SLC16A7: variants seen among roughly 807,000 people sequenced by gnomAD.
SLC16A7 encodes the protein monocarboxylate transporter 2.
A neutral mutation model predicts 34.9 loss-of-function variants in SLC16A7; 33 were observed. The observed-to-expected ratio is 0.94, with a 90% confidence interval of 0.72 to 1.26. The LOEUF (loss-of-function observed/expected upper bound fraction) is 1.26. Ranked by LOEUF, SLC16A7 falls within the 50% of genes most tolerant of loss-of-function variation. The pLI is 0.00. For synonymous variants in SLC16A7, 201 were observed against 206.6 expected, an observed-to-expected ratio of 0.97 and a Z score of 0.23; for missense variants, 573 against 578.1, an observed-to-expected ratio of 0.99 and a Z score of 0.09.
At chr12:59,754,229 TAGG>T (rs2137348860) in intron 3 of SLC16A7, among the ~76,000 whole-genome samples, 1 of 152,098 alleles carries the variant, frequency 6.6e-6, no homozygotes, top group African/African-American at 2.4e-5. Flanking sequence ...ATTCAAAAGC[TAGG>T]AGAAGGCAAG....
chr12:59,766,759 C>T (rs998488310), intron 3 of SLC16A7, among the ~76,000 whole-genome samples: 7 of 152,134 alleles, frequency 4.6e-5, no homozygotes, highest in East Asian at 1.9e-4. Flanking sequence ...ATTTTTGCAT[C>T]GATGTTCATC....
intron 1 of SLC16A7, among the ~76,000 whole-genome samples, chr12:59,652,662 CT>C (rs926658685): frequency 6.6e-6 from 1 of 150,616 alleles, no homozygotes; most frequent in East Asian, 1.9e-4. Context: ...CTAGAGATTC[CT>C]TTTTTTTTCT....
At chr12:59,778,011 C>T (rs1355523582) in intron 5 of SLC16A7, among the ~76,000 whole-genome samples, 1 of 152,008 alleles carries the variant, frequency 6.6e-6, no homozygotes, top group African/African-American at 2.4e-5. Context: ...CATAGTATTC[C>T]ATGGTGTATA....
intron 1 of SLC16A7, among the ~76,000 whole-genome samples, chr12:59,631,134 A>G (rs924564470): frequency 6.6e-6 from 1 of 151,958 alleles, no homozygotes; most frequent in Non-Finnish European, 1.5e-5. Flanking sequence ...GAAGAGTTTT[A>G]CATATACTAC....
At chr12:59,676,743 C>G (rs928857408) in intron 2 of SLC16A7, among the ~76,000 whole-genome samples, 1 of 151,920 alleles carries the variant, frequency 6.6e-6, no homozygotes, top group Admixed American at 6.6e-5. Context: ...TAATTCCTTC[C>G]TAGAGTATTT....
chr12:59,766,622 C>A (rs1228520183), intron 3 of SLC16A7, among the ~76,000 whole-genome samples: 1 of 152,092 alleles, frequency 6.6e-6, no homozygotes, highest in South Asian at 2.1e-4. Flanking sequence ...TGTTTATATG[C>A]TGGATTACGT....
intron 3 of SLC16A7, among the ~76,000 whole-genome samples, chr12:59,751,887 C>T (rs902391001): frequency 6.6e-6 from 1 of 152,060 alleles, no homozygotes; most frequent in South Asian, 2.1e-4. Flanking sequence ...CTCACACGGC[C>T]GGGTACTCCT....
intron 3 of SLC16A7, among the ~76,000 whole-genome samples, chr12:59,732,951 T>TA (rs901939569): frequency 6.6e-5 from 10 of 151,748 alleles, no homozygotes; most frequent in African/African-American, 1.9e-4. Context: ...TATGTGGGGG[T>TA]AAAAAAAATC....
chr12:59,743,065 A>T (rs117139778), intron 3 of SLC16A7, among the ~76,000 whole-genome samples: 1,823 of 152,340 alleles, frequency 0.012, 23 homozygotes, highest in Non-Finnish European at 0.016. Flanking sequence ...GCTAGGCTGC[A>T]GAAGAAGCAA....
intron 2 of SLC16A7, among the ~76,000 whole-genome samples, chr12:59,673,513 T>C (rs773981423): frequency 3.0e-4 from 46 of 151,714 alleles, no homozygotes; most frequent in Non-Finnish European, 5.9e-4. Context: ...AAGTAATCTC[T>C]AGTAATTTTT....
rs1213473705 is a variant in SLC16A7, at chr12:59,783,050, AAAAG to A, written c.*3374_*3377del. 1.3e-5 allele frequency: 2 copies of A among 152,204 alleles called. No homozygotes were observed. The highest frequency in any genetic ancestry group is 2.9e-5 in the Non-Finnish European group (2 of 68,032). 9.4% of individuals were successfully genotyped at this position (152,204 alleles called of 1,614,324 possible). Reference sequence around the variant, plus strand: ...TACAACATGACAATCAAGAATATAGAAAAGAAGACTAAAAGATATATGATATAAA... The same window carrying A: ...TACAACATGACAATCAAGAATATAGAAAGACTAAAAGATATATGATATAAA... On this transcript the variant is annotated 3_prime_UTR_variant, in exon 6 of 6. Transcript: ENST00000547379.
At chr12:59,627,745 C>T (rs1879992175) in intron 1 of SLC16A7, among the ~76,000 whole-genome samples, 1 of 151,422 alleles carries the variant, frequency 6.6e-6, no homozygotes, top group African/African-American at 2.4e-5. Context: ...CCCTTTCTTA[C>T]TCATTTTTTT....
At chr12:59,702,195 C>G (rs1872966278) in intron 2 of SLC16A7, among the ~76,000 whole-genome samples, 1 of 151,842 alleles carries the variant, frequency 6.6e-6, no homozygotes, top group Non-Finnish European at 1.5e-5. Context: ...CTATTTTCAA[C>G]TGGTTTCACT....
At chr12:59,696,400 A>C (rs1872296056) in intron 2 of SLC16A7, 1 of 152,026 alleles carries the variant, frequency 6.6e-6, no homozygotes, top group Non-Finnish European at 1.5e-5. Context: ...TAGATAATCC[A>C]AAATCTACTC....
intron 3 of SLC16A7, among the ~76,000 whole-genome samples, chr12:59,747,519 A>C (rs2137309091): frequency 6.6e-6 from 1 of 152,340 alleles, no homozygotes; most frequent in South Asian, 2.1e-4. Context: ...ACATATCTAG[A>C]ACTTGTGATC....
At chr12:59,611,801 A>G (rs1396627319) in intron 1 of SLC16A7, among the ~76,000 whole-genome samples, 1 of 152,226 alleles carries the variant, frequency 6.6e-6, no homozygotes, top group Non-Finnish European at 1.5e-5. Context: ...GGAATCCAAT[A>G]GTTCATTCAT....
chr12:59,721,366 T>C (rs1269471072), intron 3 of SLC16A7, among the ~76,000 whole-genome samples: 1 of 151,950 alleles, frequency 6.6e-6, no homozygotes, highest in African/African-American at 2.4e-5. Flanking sequence ...GTATCTATCC[T>C]AACTAAGGCC....
chr12:59,606,855 T>C (rs1409867108), intron 1 of SLC16A7, among the ~76,000 whole-genome samples: 1 of 147,782 alleles, frequency 6.8e-6, no homozygotes, highest in African/African-American at 2.5e-5. Flanking sequence ...TGTGAATATA[T>C]ATATATGTGT....
intron 1 of SLC16A7, among the ~76,000 whole-genome samples, chr12:59,613,141 G>A (rs1452594869): frequency 1.3e-5 from 2 of 152,240 alleles, no homozygotes; most frequent in African/African-American, 4.8e-5. Flanking sequence ...ACATGGCTGC[G>A]AGGCCGCAGA....
Sources: allele counts gnomAD v4.1 joint callset (sites outside exome capture counted in the v4.1 genomes callset), GRCh38; gene constraint gnomAD v4.1.1; transcripts MANE v1.5; gene names NCBI Gene and HGNC (gene_info 2026-07-23, HGNC 2026-07-21).